Variants in PRIM2 observed in about 807,000 individuals in gnomAD.
PRIM2 encodes the protein DNA primase large subunit.
In PRIM2, 39 loss-of-function variants were observed where a neutral mutation model predicts 67.3. The ratio of observed to expected loss-of-function variants is 0.58; its 90% confidence interval spans 0.45 to 0.76. The LOEUF (loss-of-function observed/expected upper bound fraction) is 0.76. PRIM2 is among the 30% of genes least tolerant of loss of function. PRIM2 has a pLI of 0.00. For missense variants in PRIM2, 398 were observed against 598.7 expected, an observed-to-expected ratio of 0.66 and a Z score of 3.50; for synonymous variants, 143 against 198.7, an observed-to-expected ratio of 0.72 and a Z score of 2.36.
At chr6:57,376,429 C>T (rs1276021018) in intron 5 of PRIM2, among the ~76,000 whole-genome samples, 4 of 152,130 alleles carry the variant, frequency 2.6e-5, no homozygotes, top group African/African-American at 7.2e-5. Flanking sequence ...CATTTTTTGG[C>T]TCTTTGAGTT....
At chr6:57,248,275 A>G in the PRIM2 span, among the ~76,000 whole-genome samples, 1 of 152,218 alleles carries the variant, frequency 6.6e-6, no homozygotes, top group Non-Finnish European at 1.5e-5. Context: ...CTTCAAGTTC[A>G]TTTTGCTATC....
Position 57,608,580 on chromosome 6 carries a change from C to T in PRIM2, c.1230+2123C>T, listed in dbSNP as rs1477296281. 2.0e-5 allele frequency among the ~76,000 whole-genome samples: 3 copies of T among 151,940 alleles called. 1 individual carries two copies. The highest frequency in any genetic ancestry group is 2.0e-4 in the Admixed American group (3 of 15,232). ...AAAACCTGTCTCTACAAAAAATTAG[C>T]AGGTGTGGTGGCATGCAACTGTAGC... On this transcript the variant is annotated intron_variant, in intron 12 of 13. Coordinates refer to ENST00000615550, the MANE Select transcript of PRIM2 (RefSeq NM_000947.5).
At chr6:57,613,967 A>G (rs1202351410) in intron 12 of PRIM2, among the ~76,000 whole-genome samples, 10 of 152,016 alleles carry the variant, frequency 6.6e-5, no homozygotes, top group African/African-American at 2.2e-4. Context: ...TTCTCCTGCC[A>G]TATGTCTGCT....
intron 10 of PRIM2, among the ~76,000 whole-genome samples, chr6:57,561,682 C>T (rs1349522855): frequency 7.2e-5 from 11 of 152,328 alleles, no homozygotes; most frequent in African/African-American, 2.6e-4. Flanking sequence ...CAATCTTTCT[C>T]CACATCAGCA....
At chr6:57,496,264 T>C (rs1774002558) in intron 7 of PRIM2, among the ~76,000 whole-genome samples, 1 of 152,174 alleles carries the variant, frequency 6.6e-6, no homozygotes, top group South Asian at 2.1e-4. Context: ...TTATCTTTAA[T>C]GTTTGCAAAA....
the PRIM2 span, among the ~76,000 whole-genome samples, chr6:57,272,041 C>T: frequency 6.6e-6 from 1 of 152,174 alleles, no homozygotes; most frequent in Non-Finnish European, 1.5e-5. Flanking sequence ...GAGTGCTTTA[C>T]TTCCAACTAT....
intron 12 of PRIM2, 78 bp downstream of exon 12, chr6:57,606,535 A>G: frequency 2.6e-6 from 3 of 1,155,834 alleles, no homozygotes; most frequent in Non-Finnish European, 3.8e-6. Context: ...ATGTTCTTGC[A>G]GTGATGCTGT....
the PRIM2 span, among the ~76,000 whole-genome samples, chr6:57,237,099 T>A: frequency 6.6e-6 from 1 of 151,688 alleles, no homozygotes; most frequent in African/African-American, 2.4e-5. Context: ...TTTTTAATGA[T>A]CGCCATTCTA....
chr6:57,338,522 G>A (rs2127291165), intron 5 of PRIM2, among the ~76,000 whole-genome samples: 1 of 150,660 alleles, frequency 6.6e-6, no homozygotes, highest in African/African-American at 2.5e-5. Flanking sequence ...GATCAAGTGG[G>A]CTTCATCCCT....
intron 12 of PRIM2, among the ~76,000 whole-genome samples, chr6:57,624,995 A>G (rs1218486271): frequency 1.3e-5 from 2 of 152,210 alleles, no homozygotes; most frequent in Non-Finnish European, 2.9e-5. Flanking sequence ...CAAAACCATC[A>G]TCAGATCTCG....
At chr6:57,447,572 G>A (rs1581913575) in intron 7 of PRIM2, among the ~76,000 whole-genome samples, 2 of 152,314 alleles carry the variant, frequency 1.3e-5, no homozygotes, top group Middle Eastern at 6.8e-3. Flanking sequence ...GGGAGATAAT[G>A]ATCACATTGA....
chr6:57,298,878 G>A, the PRIM2 span, among the ~76,000 whole-genome samples: 2 of 152,088 alleles, frequency 1.3e-5, no homozygotes, highest in African/African-American at 4.8e-5. Context: ...TGCCGGCCTT[G>A]CTTTTCCTGC....
At chr6:57,488,039 A>G (rs1195252243) in intron 7 of PRIM2, among the ~76,000 whole-genome samples, 5 of 152,220 alleles carry the variant, frequency 3.3e-5, no homozygotes, top group African/African-American at 4.8e-5. Flanking sequence ...TTGAGGCACT[A>G]AGGAATGAAT....
chr6:57,575,156 C>T (rs2127482855), intron 10 of PRIM2, among the ~76,000 whole-genome samples: 1 of 152,176 alleles, frequency 6.6e-6, no homozygotes, highest in South Asian at 2.1e-4. Context: ...AAACAATACA[C>T]TTAGATTTTC....
chr6:57,510,920 C>G (rs1463782152), intron 8 of PRIM2, among the ~76,000 whole-genome samples: 1 of 151,710 alleles, frequency 6.6e-6, no homozygotes, highest in South Asian at 2.1e-4. Flanking sequence ...TTTGCATGAA[C>G]TGTGTAATTT....
chr6:57,415,898 C>T (rs1264136411), intron 7 of PRIM2, among the ~76,000 whole-genome samples: 4 of 152,186 alleles, frequency 2.6e-5, no homozygotes, highest in African/African-American at 7.2e-5. Context: ...TTCGAGTTCT[C>T]TTGTGATTTC....
At chr6:57,309,572 A>G in the PRIM2 span, among the ~76,000 whole-genome samples, 1 of 152,056 alleles carries the variant, frequency 6.6e-6, no homozygotes, top group African/African-American at 2.4e-5. Flanking sequence ...TCATTGTTGG[A>G]CATTTGGGTT....
intron 10 of PRIM2, among the ~76,000 whole-genome samples, chr6:57,592,867 C>T (rs1196470574): frequency 5.8e-4 from 88 of 151,826 alleles, no homozygotes; most frequent in African/African-American, 2.0e-3. Context: ...TAAGGAAGAC[C>T]GTGCAATGCA....
chr6:57,525,209 C>T (rs1219030181), intron 8 of PRIM2, among the ~76,000 whole-genome samples: 1 of 152,128 alleles, frequency 6.6e-6, no homozygotes, highest in Non-Finnish European at 1.5e-5. Flanking sequence ...AAGAAAAAGA[C>T]TTTATTATTC....
Sources: allele counts gnomAD v4.1 joint callset (sites outside exome capture counted in the v4.1 genomes callset), GRCh38; gene constraint gnomAD v4.1.1; transcripts MANE v1.5; gene names NCBI Gene and HGNC (gene_info 2026-07-23, HGNC 2026-07-21).